UTRN: variants seen among roughly 807,000 people sequenced by gnomAD.
UTRN encodes the protein utrophin.
A neutral mutation model predicts 463.9 loss-of-function variants in UTRN; 283 were observed. The observed-to-expected ratio is 0.61, with a 90% CI of 0.55 to 0.67. The LOEUF (loss-of-function observed/expected upper bound fraction) is 0.67. UTRN is among the 30% of genes least tolerant of loss of function. The probability of loss-of-function intolerance (pLI) is 0.00; values close to 1 mark genes in which losing one functional copy is unlikely to be tolerated. For synonymous variants in UTRN, 1,442 were observed against 1,431.5 expected, an observed-to-expected ratio of 1.01 and a Z score of -0.17; for missense variants, 3,922 against 4,084.3, an observed-to-expected ratio of 0.96 and a Z score of 1.08.
At chr6:144,835,015 G>A (rs1780987587) in intron 69 of UTRN, among the ~76,000 whole-genome samples, 1 of 152,196 alleles carries the variant, frequency 6.6e-6, no homozygotes, top group Admixed American at 6.5e-5. Context: ...GATCTCACTG[G>A]ATCTCTCTTG....
chr6:144,391,800 C>G (rs1314082915), intron 2 of UTRN, among the ~76,000 whole-genome samples: 1 of 152,206 alleles, frequency 6.6e-6, no homozygotes, highest in Non-Finnish European at 1.5e-5. Context: ...CACCACCACA[C>G]CCATCTAATT....
intron 23 of UTRN, among the ~76,000 whole-genome samples, chr6:144,471,062 G>GAGGGGGAGAGGA (rs1491102825): frequency 5.4e-5 from 6 of 110,390 alleles, no homozygotes; most frequent in Non-Finnish European, 3.8e-5. Context: ...GGGGGAGAGG[G>GAGGGGGAGAGGA]AGGGGGAGGG....
At chr6:144,614,443 G>A (rs148106767) in intron 51 of UTRN, among the ~76,000 whole-genome samples, 4 of 152,142 alleles carry the variant, frequency 2.6e-5, no homozygotes, top group Admixed American at 6.5e-5. Context: ...GAACCTAACC[G>A]CTAGGTTAAA....
chr6:144,730,705 A>C (rs1181512164), intron 54 of UTRN, among the ~76,000 whole-genome samples: 1 of 152,068 alleles, frequency 6.6e-6, no homozygotes, highest in Non-Finnish European at 1.5e-5. Flanking sequence ...TTTTAAAGGA[A>C]ATTAACTGCA....
At chr6:144,594,920 A>G (rs1369175979) in intron 51 of UTRN, among the ~76,000 whole-genome samples, 1 of 152,212 alleles carries the variant, frequency 6.6e-6, no homozygotes, top group Admixed American at 6.5e-5. Flanking sequence ...TGATAAATTT[A>G]CTACTTTATC....
rs77478445 is a variant in UTRN, at chr6:144,649,672, T to C, written c.7480-28734T>C. Among the ~76,000 whole-genome samples the C allele has an allele frequency of 2.6e-3, 390 of 152,320 alleles. 11 individuals are homozygous for C. The East Asian group carries it at 0.052, about 20-fold the overall frequency. On this transcript the variant is annotated intron_variant, in intron 51 of 74. Transcript: ENST00000367545. Reference sequence around the variant, plus strand: ...CCGGGAACTTAAAGGGAACTTCTTTTTTTTTAATGTTAAGTGTTTTCGATG... The same window carrying C: ...CCGGGAACTTAAAGGGAACTTCTTTCTTTTTAATGTTAAGTGTTTTCGATG...
rs112378726 is a variant in UTRN, at chr6:144,329,530, T to C, written c.79+37623T>C. Reference sequence around the variant, plus strand: ...TCTAGCATCTCTAACCTCTCTACTCTTCTGAAATAACAACGAGCCAAATGG... The same window carrying C: ...TCTAGCATCTCTAACCTCTCTACTCCTCTGAAATAACAACGAGCCAAATGG... On this transcript the variant is annotated intron_variant, in intron 2 of 74. Transcript: ENST00000367545. 4.6e-3 allele frequency among the ~76,000 whole-genome samples: 696 copies of C among 152,314 alleles called. 6 individuals are homozygous for C. Among genetic ancestry groups the C allele is most frequent in the African/African-American group, 0.015 (634 of 41,564 alleles).
At position 144,722,320 on chromosome 6, in the gene UTRN, G is replaced by T. The variant is rs73592000; in HGVS notation, c.7810-8037G>T. 1.9e-3 allele frequency among the ~76,000 whole-genome samples: 285 copies of T among 146,252 alleles called. 1 individual carries two copies. The highest frequency in any genetic ancestry group is 6.8e-3 in the African/African-American group (272 of 40,082). On this transcript the variant is annotated intron_variant, in intron 53 of 74. Coordinates refer to ENST00000367545, the MANE Select transcript of UTRN (RefSeq NM_007124.3). Reference sequence around the variant, plus strand: ...TGCCTTGCTCCCTCACTTCCCTCCGGTTTTTTTTTTTAAATATCGCTGTCT... The same window carrying T: ...TGCCTTGCTCCCTCACTTCCCTCCGTTTTTTTTTTTTAAATATCGCTGTCT...
At chr6:144,467,587 G>C (rs910987287) in intron 23 of UTRN, among the ~76,000 whole-genome samples, 1 of 152,160 alleles carries the variant, frequency 6.6e-6, no homozygotes, top group African/African-American at 2.4e-5. Context: ...AGGCACACAT[G>C]AATGGACTTG....
chr6:144,451,297 G>A lies in UTRN; in HGVS notation c.2073-73G>A. ...AGACATATTCCTGATGAGCATTTGA[G>A]TTGCTCTTTCTGGAGTCAAGTAAAA... is the stretch of plus-strand genomic sequence containing the variant. On this transcript the variant is annotated intron_variant, in intron 17 of 74. Coordinates refer to ENST00000367545, the MANE Select transcript of UTRN (RefSeq NM_007124.3). The A allele has an allele frequency of 9.7e-6, 15 of 1,539,258 alleles. No homozygotes were observed. In the South Asian group the frequency reaches 1.6e-4, roughly 17 times the overall value.
chr6:144,697,477 A>T (rs970400089), intron 52 of UTRN, among the ~76,000 whole-genome samples: 4 of 152,174 alleles, frequency 2.6e-5, no homozygotes, highest in African/African-American at 7.2e-5. Flanking sequence ...ATCTTTCAAG[A>T]TGAAAGAATT....
chr6:144,389,608 T>C (rs1015130392), intron 2 of UTRN, among the ~76,000 whole-genome samples: 40 of 151,188 alleles, frequency 2.6e-4, no homozygotes, highest in Non-Finnish European at 5.0e-4. Context: ...CTTTTTTTTT[T>C]CCCCCCCTGA....
chr6:144,833,244 A>G (rs979255005), intron 69 of UTRN, among the ~76,000 whole-genome samples: 2 of 152,194 alleles, frequency 1.3e-5, no homozygotes, highest in Admixed American at 6.5e-5. Flanking sequence ...TTCATATGCT[A>G]TGTGGACAAA....
chr6:144,403,036 T>C, intron 2 of UTRN, 87 bp from the exon 3 acceptor site: 1 of 1,241,094 alleles, frequency 8.1e-7, no homozygotes, highest in Non-Finnish European at 1.2e-6. Flanking sequence ...TTTTAAACTC[T>C]CCAGGATAGA....
chr6:144,734,573 C>T (rs1474453093), intron 54 of UTRN, among the ~76,000 whole-genome samples: 2 of 152,160 alleles, frequency 1.3e-5, no homozygotes, highest in Admixed American at 1.3e-4. Context: ...CTGGGCCGCT[C>T]TTGGCTCCTT....
At chr6:144,355,479 G>A (rs1356013366) in intron 2 of UTRN, among the ~76,000 whole-genome samples, 3 of 152,198 alleles carry the variant, frequency 2.0e-5, no homozygotes, top group African/African-American at 4.8e-5. Flanking sequence ...GACTATAGGC[G>A]TTAGCCACCA....
At chr6:144,425,605 CT>C (rs1346126875) in intron 6 of UTRN, among the ~76,000 whole-genome samples, 1 of 152,034 alleles carries the variant, frequency 6.6e-6, no homozygotes, top group Non-Finnish European at 1.5e-5. Flanking sequence ...TTTCTTGTTT[CT>C]CTATCTTATC....
At chr6:144,327,907 G>A (rs2114598850) in intron 2 of UTRN, among the ~76,000 whole-genome samples, 1 of 152,250 alleles carries the variant, frequency 6.6e-6, no homozygotes. Context: ...TCACACCATT[G>A]CACTCCAGCC....
intron 2 of UTRN, among the ~76,000 whole-genome samples, chr6:144,314,789 T>C (rs574944691): frequency 6.6e-6 from 1 of 152,260 alleles, no homozygotes; most frequent in East Asian, 1.9e-4. Flanking sequence ...GAAAAAGCCT[T>C]TGGTTTCCAG....
Sources: allele counts gnomAD v4.1 joint callset (sites outside exome capture counted in the v4.1 genomes callset), GRCh38; gene constraint gnomAD v4.1.1; transcripts MANE v1.5; gene names NCBI Gene and HGNC (gene_info 2026-07-23, HGNC 2026-07-21).